Variants in EXOC6B observed in about 807,000 individuals in gnomAD.
EXOC6B encodes the protein exocyst complex component 6B.
A neutral mutation model predicts 113.5 loss-of-function variants in EXOC6B; 54 were observed. The observed-to-expected ratio is 0.48, with a 90% CI of 0.38 to 0.60. The LOEUF is 0.60. Ranked by LOEUF, EXOC6B falls within the 20% of genes least tolerant of loss-of-function variation. The pLI, the probability that EXOC6B is intolerant of heterozygous loss-of-function variation, is 0.00. For missense variants in EXOC6B, 797 were observed against 977.5 expected, an observed-to-expected ratio of 0.82 and a Z score of 2.46; for synonymous variants, 357 against 339.0, an observed-to-expected ratio of 1.05 and a Z score of -0.58.
chr2:72,337,021 A>C (rs1424085641), intron 19 of EXOC6B, among the ~76,000 whole-genome samples: 16 of 152,030 alleles, frequency 1.1e-4, no homozygotes, highest in Admixed American at 9.2e-4. Context: ...AAAAAAAAAA[A>C]AAGTAAAATT....
intron 6 of EXOC6B, among the ~76,000 whole-genome samples, chr2:72,600,607 G>A (rs550823514): frequency 6.6e-6 from 1 of 152,146 alleles, no homozygotes; most frequent in African/African-American, 2.4e-5. Context: ...CAATGGAAAG[G>A]AGAGTCATTT....
At chr2:72,484,672 C>A (rs1174027461) in intron 16 of EXOC6B, among the ~76,000 whole-genome samples, 2 of 151,396 alleles carry the variant, frequency 1.3e-5, no homozygotes, top group East Asian at 3.9e-4. Context: ...CATTGTTCAA[C>A]TCCCACTTAT....
chr2:72,705,452 A>G (rs1678788991), intron 6 of EXOC6B, among the ~76,000 whole-genome samples: 1 of 152,160 alleles, frequency 6.6e-6, no homozygotes, highest in Non-Finnish European at 1.5e-5. Flanking sequence ...CTCCTAAGCC[A>G]CTTGTATTTC....
chr2:72,789,296 G>A (rs1192420844), intron 1 of EXOC6B, among the ~76,000 whole-genome samples: 1 of 152,058 alleles, frequency 6.6e-6, no homozygotes, highest in African/African-American at 2.4e-5. Flanking sequence ...TAACATACGT[G>A]GTACATCTAG....
At chr2:72,220,326 C>A (rs983771716) in intron 20 of EXOC6B, among the ~76,000 whole-genome samples, 2 of 152,030 alleles carry the variant, frequency 1.3e-5, no homozygotes, top group Admixed American at 6.6e-5. Context: ...CCAGTTGAGC[C>A]CAAGCAGATG....
chr2:72,186,966 T>C (rs986121259), intron 20 of EXOC6B, among the ~76,000 whole-genome samples: 2 of 152,142 alleles, frequency 1.3e-5, no homozygotes, highest in African/African-American at 4.8e-5. Context: ...CCTGGGAGGC[T>C]GAGCTCATGC....
rs190063898 is a variant in EXOC6B, at chr2:72,324,702, G to A, written c.2196+10245C>T. On this transcript the variant is annotated intron_variant, in intron 20 of 21. Transcript: ENST00000272427. ...TTTGCCAAATGTCACAGCTAGTAAC[G>A]TAAGGTCTGCTCAGTTCCAAACCTA... Among the ~76,000 whole-genome samples the A allele has an allele frequency of 5.9e-5, 9 of 152,198 alleles. No homozygotes were observed. In the East Asian group the frequency reaches 7.7e-4, roughly 13 times the overall value.
chr2:72,736,870 T>C (rs1235249939), intron 2 of EXOC6B, among the ~76,000 whole-genome samples: 2 of 152,042 alleles, frequency 1.3e-5, no homozygotes, highest in Admixed American at 6.5e-5. Flanking sequence ...AAGATGAGTA[T>C]AGAAGATGGG....
rs566979481 is a variant in EXOC6B at position 72,382,623 on chromosome 2, C to T, written c.1981-2753G>A. Among the ~76,000 whole-genome samples the T allele has an allele frequency of 8.5e-5, 13 of 152,180 alleles. No individual in the cohort carries two copies. In the South Asian group the frequency reaches 1.5e-3, roughly 17 times the overall value. On this transcript the variant is annotated intron_variant, in intron 18 of 21. Coordinates refer to ENST00000272427, the MANE Select transcript of EXOC6B (RefSeq NM_015189.3). ...ATCTGTAAATTGCTTTGAGCAGTATCGCCATTTTAACTATATTACTTCTTC... is the reference window on the plus strand; with the variant it reads ...ATCTGTAAATTGCTTTGAGCAGTATTGCCATTTTAACTATATTACTTCTTC...
chr2:72,266,383 T>G (rs879293128), intron 20 of EXOC6B, among the ~76,000 whole-genome samples: 1,770 of 149,566 alleles, frequency 0.012, 14 homozygotes, highest in Non-Finnish European at 0.018. Context: ...TTTTTATGGT[T>G]TTAGGTCTAA....
chr2:72,362,794 T>A (rs547751319), intron 19 of EXOC6B, among the ~76,000 whole-genome samples: 1 of 152,258 alleles, frequency 6.6e-6, no homozygotes, highest in Admixed American at 6.5e-5. Context: ...AATCCATGAT[T>A]TCTCATCTTA....
chr2:72,652,746 C>T (rs180749474), intron 6 of EXOC6B, among the ~76,000 whole-genome samples: 1 of 146,814 alleles, frequency 6.8e-6, no homozygotes, highest in Non-Finnish European at 1.5e-5. Flanking sequence ...TACTCTATAT[C>T]TAATATATAA....
chr2:72,539,170 C>T (rs760419395), intron 8 of EXOC6B, among the ~76,000 whole-genome samples: 12 of 152,086 alleles, frequency 7.9e-5, no homozygotes, highest in Non-Finnish European at 1.6e-4. Context: ...CTACCCAGAA[C>T]GCTTGATTTG....
chr2:72,479,392 T>C (rs578048606), intron 17 of EXOC6B, among the ~76,000 whole-genome samples: 2 of 152,228 alleles, frequency 1.3e-5, no homozygotes, highest in Non-Finnish European at 2.9e-5. Flanking sequence ...TTTCATTTCT[T>C]CTCTTGCGCC....
chr2:72,229,468 C>T (rs1221988522), intron 20 of EXOC6B, among the ~76,000 whole-genome samples: 1 of 152,062 alleles, frequency 6.6e-6, no homozygotes, highest in Non-Finnish European at 1.5e-5. Flanking sequence ...AAGTTTAGTG[C>T]AACAATTTAT....
At chr2:72,802,066 T>C (rs1015247441) in intron 1 of EXOC6B, among the ~76,000 whole-genome samples, 4 of 152,236 alleles carry the variant, frequency 2.6e-5, no homozygotes, top group Non-Finnish European at 5.9e-5. Flanking sequence ...GGCTCATGCC[T>C]GTACTCCCAG....
intron 1 of EXOC6B, among the ~76,000 whole-genome samples, chr2:72,797,199 G>C (rs998335956): frequency 6.6e-6 from 1 of 152,124 alleles, no homozygotes; most frequent in Admixed American, 6.5e-5. Flanking sequence ...GCATTAATTT[G>C]GTCCTCTTCC....
At chr2:72,570,609 G>A (rs1486904650) in intron 7 of EXOC6B, among the ~76,000 whole-genome samples, 3 of 152,112 alleles carry the variant, frequency 2.0e-5, no homozygotes, top group Admixed American at 6.6e-5. Context: ...GGTTACCACT[G>A]TTCCTTAACA....
intron 18 of EXOC6B, among the ~76,000 whole-genome samples, chr2:72,384,065 G>C (rs762755908): frequency 1.6e-4 from 24 of 151,920 alleles, no homozygotes; most frequent in Middle Eastern, 3.2e-3. Context: ...TTAATACCTG[G>C]GTGATGACAT....
Sources: gnomAD v4.1 joint callset for allele counts (sites outside exome capture counted in the v4.1 genomes callset) on GRCh38, gnomAD v4.1.1 for gene constraint, MANE v1.5 for transcripts, NCBI Gene and HGNC (gene_info 2026-07-23, HGNC 2026-07-21) for gene names.